PPM1H: variants seen among roughly 807,000 people sequenced by gnomAD.
PPM1H encodes protein phosphatase, Mg2+/Mn2+ dependent 1H.
PPM1H carries 27 observed loss-of-function variants against 54.9 expected under a neutral mutation model. The ratio of observed to expected loss-of-function variants is 0.49; its 90% CI spans 0.36 to 0.68. The LOEUF (loss-of-function observed/expected upper bound fraction) is 0.68, where lower values mean the gene tolerates loss of function less well. PPM1H is among the 30% of genes least tolerant of loss of function. PPM1H has a pLI of 0.00. For synonymous variants in PPM1H, 305 were observed against 270.8 expected (o/e 1.13, Z -1.24); for missense variants, 596 against 667.8 (o/e 0.89, Z 1.19).
chr12:62,751,813 C>T (rs867724711), intron 4 of PPM1H, among the ~76,000 whole-genome samples: 92 of 152,178 alleles, frequency 6.0e-4, no homozygotes, highest in African/African-American at 1.9e-3. Context: ...TAAACAGGAC[C>T]TCTTCTTTGC....
At chr12:62,795,700 G>A (rs1190922168) in intron 3 of PPM1H, among the ~76,000 whole-genome samples, 2 of 152,116 alleles carry the variant, frequency 1.3e-5, no homozygotes, top group South Asian at 2.1e-4. Flanking sequence ...CCAAAGTGCT[G>A]GGATTACAGG....
intron 2 of PPM1H, among the ~76,000 whole-genome samples, chr12:62,825,461 T>C (rs1868279871): frequency 1.3e-5 from 2 of 152,158 alleles, no homozygotes; most frequent in South Asian, 2.1e-4. Context: ...CTATTCACAA[T>C]AGCAAAAACT....
chr12:62,785,630 A>T (rs2076666482), intron 4 of PPM1H, among the ~76,000 whole-genome samples: 1 of 152,216 alleles, frequency 6.6e-6, no homozygotes, highest in Non-Finnish European at 1.5e-5. Context: ...GATAATTTTT[A>T]GAGATTATCT....
chr12:62,689,595 T>C (rs911534852), intron 8 of PPM1H, 104 bp downstream of exon 8: 3 of 747,980 alleles, frequency 4.0e-6, no homozygotes, highest in Non-Finnish European at 6.8e-6. Context: ...GAAGTACATA[T>C]AATACAAGTT....
At chr12:62,866,179 G>T (rs1182121484) in intron 1 of PPM1H, among the ~76,000 whole-genome samples, 2 of 152,132 alleles carry the variant, frequency 1.3e-5, no homozygotes, top group Non-Finnish European at 2.9e-5. Context: ...TGTGTCCCTT[G>T]ATCTCAGCAG....
intron 4 of PPM1H, among the ~76,000 whole-genome samples, chr12:62,769,311 T>C (rs1218498248): frequency 1.3e-5 from 2 of 152,288 alleles, no homozygotes; most frequent in Non-Finnish European, 2.9e-5. Flanking sequence ...GAAAAGGTGG[T>C]GTCCCTAACC....
At chr12:62,745,119 C>T (rs974579100) in intron 4 of PPM1H, among the ~76,000 whole-genome samples, 6 of 152,158 alleles carry the variant, frequency 3.9e-5, no homozygotes, top group African/African-American at 1.4e-4. Context: ...CACCTAGCAG[C>T]TTGATAACAT....
intron 1 of PPM1H, among the ~76,000 whole-genome samples, chr12:62,847,204 G>A (rs1200113835): frequency 6.6e-6 from 1 of 152,202 alleles, no homozygotes; most frequent in Admixed American, 6.5e-5. Context: ...GTACATATTT[G>A]TGAGAAGAGT....
Position 62,844,753 on chromosome 12 carries a change from A to G in PPM1H, c.246-12474T>C, listed in dbSNP as rs1399964259. 6.6e-6 allele frequency among the ~76,000 whole-genome samples: 1 copy of G among 152,240 alleles called. No homozygotes were observed. The highest frequency in any genetic ancestry group is 1.5e-5 in the Non-Finnish European group (1 of 68,036). On this transcript the variant is annotated intron_variant, in intron 1 of 9. Transcript: ENST00000228705. This position sits in a 1 kb window ranked among gnomAD's most constrained non-coding sequence, Gnocchi z 5.2. ...GTACTCGATAAATGTTAATTGAATG[A>G]ATAAACAAATGAACTCATTTTGCCA...
At chr12:62,681,723 C>T (rs183735242) in intron 8 of PPM1H, among the ~76,000 whole-genome samples, 1 of 152,176 alleles carries the variant, frequency 6.6e-6, no homozygotes, top group African/African-American at 2.4e-5. Flanking sequence ...TGCTTTATGG[C>T]TCATCCTTCT....
chr12:62,764,507 TC>T (rs1324933204), intron 4 of PPM1H, among the ~76,000 whole-genome samples: 2 of 152,194 alleles, frequency 1.3e-5, no homozygotes, highest in Non-Finnish European at 2.9e-5. Context: ...TCAAATTAAA[TC>T]CATGTGACCT....
chr12:62,711,621 C>T (rs888660655), intron 6 of PPM1H, among the ~76,000 whole-genome samples: 1 of 152,132 alleles, frequency 6.6e-6, no homozygotes, highest in Admixed American at 6.5e-5. Flanking sequence ...ACAGGGGAAG[C>T]GCCGTGTGAC....
Position 62,694,160 on chromosome 12 carries a change from G to A in PPM1H, c.1074-161C>T, listed in dbSNP as rs538268075. 1.1e-4 allele frequency among the ~76,000 whole-genome samples: 17 copies of A among 152,254 alleles called. No homozygotes were observed. In the South Asian group the frequency reaches 3.5e-3, roughly 32 times the overall value. ...GGAGTTGTTCTCCCTACAGAATTGT[G>A]TGTGTGTGTCTTTTACCAAACCAGA... On this transcript the variant is annotated intron_variant, in intron 6 of 9. Coordinates refer to ENST00000228705, the MANE Select transcript of PPM1H (RefSeq NM_020700.2).
In PPM1H at chr12:62,775,964, G is replaced by C. The variant is rs549171381; in HGVS notation, c.869+12262C>G. 2.0e-5 allele frequency among the ~76,000 whole-genome samples: 3 copies of C among 152,300 alleles called. No homozygotes were observed. The South Asian group carries it at 6.2e-4, about 32-fold the overall frequency. On this transcript the variant is annotated intron_variant, in intron 4 of 9. Coordinates refer to ENST00000228705, the MANE Select transcript of PPM1H (RefSeq NM_020700.2). ...ATGGCTGGGGAGGCCTCACAATCAT[G>C]GCAGAGGGTGAAGGAGGTACAAAGG...
intron 5 of PPM1H, among the ~76,000 whole-genome samples, chr12:62,736,731 A>C (rs547321216): frequency 6.6e-6 from 1 of 152,376 alleles, no homozygotes; most frequent in East Asian, 1.9e-4. Flanking sequence ...TGTTGTCTAC[A>C]AAGAAATCCA....
intron 5 of PPM1H, among the ~76,000 whole-genome samples, chr12:62,722,028 G>A (rs2076266864): frequency 6.6e-6 from 1 of 152,092 alleles, no homozygotes; most frequent in African/African-American, 2.4e-5. Flanking sequence ...TTTCAAGACA[G>A]GGACAGCAGA....
At chr12:62,862,881 T>A (rs867565960) in intron 1 of PPM1H, among the ~76,000 whole-genome samples, 8 of 152,238 alleles carry the variant, frequency 5.3e-5, no homozygotes, top group African/African-American at 1.2e-4. Flanking sequence ...AAAAATGCTT[T>A]AGTGAAAATT....
intron 6 of PPM1H, among the ~76,000 whole-genome samples, chr12:62,719,623 A>C (rs138444368): frequency 5.3e-5 from 8 of 152,220 alleles, no homozygotes; most frequent in Admixed American, 2.0e-4. Context: ...CCCCCTGACA[A>C]GAGTTCTTAT....
Position 62,648,480 on chromosome 12 carries a change from G to C in PPM1H, c.*9C>G. ...TTCCCCTCTGTCCTCCCAATCCCCT[G>C]GGCCATTTTCATGACAGCTTGTTTC... On this transcript the variant is annotated 3_prime_UTR_variant, in exon 10 of 10. Transcript: ENST00000228705. The C allele has an allele frequency of 6.2e-7, 1 of 1,613,732 alleles. No individual in the cohort carries two copies. The highest frequency in any genetic ancestry group is 8.5e-7 in the Non-Finnish European group (1 of 1,179,734).
Sources: gnomAD v4.1 joint callset for allele counts (sites outside exome capture counted in the v4.1 genomes callset) on GRCh38, gnomAD v4.1.1 for gene constraint, Gnocchi (gnomAD v3.1) non-coding constraint, MANE v1.5 for transcripts, NCBI Gene and HGNC (gene_info 2026-07-23, HGNC 2026-07-21) for gene names.